The following OLFM3 variants were observed in gnomAD, a reference collection of about 807,000 sequenced individuals.
OLFM3 encodes olfactomedin 3.
OLFM3 carries 20 observed loss-of-function variants against 48.6 expected under a neutral mutation model. The observed-to-expected ratio is 0.41, with a 90% CI of 0.29 to 0.60. The LOEUF is 0.60. Among genes scored for constraint, OLFM3 ranks in the 20% least tolerant of loss-of-function variants. The pLI is 0.28. For synonymous variants in OLFM3, 222 were observed against 198.1 expected (o/e 1.12, Z -1.01); for missense variants, 437 against 544.3 (o/e 0.80, Z 1.96).
At chr1:101,824,692 T>A (rs990791403) in intron 4 of OLFM3, among the ~76,000 whole-genome samples, 1 of 151,790 alleles carries the variant, frequency 6.6e-6, no homozygotes, top group African/African-American at 2.4e-5. Flanking sequence ...CAAAAAACAG[T>A]TTCTTTTTCC....
chr1:101,861,866 G>T (rs1478809662), intron 1 of OLFM3, among the ~76,000 whole-genome samples: 1 of 152,130 alleles, frequency 6.6e-6, no homozygotes, highest in Admixed American at 6.5e-5. Flanking sequence ...GTACACCAAA[G>T]GCATACTTAT....
At chr1:101,870,998 G>A (rs929022997) in intron 1 of OLFM3, among the ~76,000 whole-genome samples, 5 of 151,880 alleles carry the variant, frequency 3.3e-5, no homozygotes, top group African/African-American at 1.2e-4. Context: ...TCTAATTCTA[G>A]TAAGAAATTT....
chr1:101,960,256 T>C (rs921522509), intron 1 of OLFM3, among the ~76,000 whole-genome samples: 32 of 152,090 alleles, frequency 2.1e-4, no homozygotes, highest in African/African-American at 7.7e-4. Context: ...CTGAAAGCAA[T>C]TGAGTGGAAA....
intron 4 of OLFM3, among the ~76,000 whole-genome samples, chr1:101,807,670 TTAA>T (rs1653842387): frequency 6.6e-6 from 1 of 151,840 alleles, no homozygotes; most frequent in South Asian, 2.1e-4. Flanking sequence ...AACTACAAAT[TTAA>T]TAATCTCTAG....
intron 1 of OLFM3, among the ~76,000 whole-genome samples, chr1:101,884,499 C>G (rs1657665332): frequency 6.6e-6 from 1 of 150,688 alleles, no homozygotes; most frequent in Non-Finnish European, 1.5e-5. Context: ...CAAAAACAAA[C>G]AAACAAAAAA....
In OLFM3 at chr1:101,958,865, T is replaced by C. The variant is rs185811526; in HGVS notation, c.69+37883A>G. ...TATATATATATATATATATGATTAA[T>C]GTAATTGGCATATCTGTTACCTCAC... On this transcript the variant is annotated intron_variant, in intron 1 of 5. Transcript: ENST00000370103. Among the ~76,000 whole-genome samples the C allele has an allele frequency of 1.5e-3, 229 of 149,194 alleles. 2 individuals carry two copies. The highest frequency in any genetic ancestry group is 6.4e-4 in the Non-Finnish European group (43 of 66,880).
chr1:101,894,786 A>G (rs1178701348), intron 1 of OLFM3, among the ~76,000 whole-genome samples: 1 of 152,196 alleles, frequency 6.6e-6, no homozygotes, highest in Non-Finnish European at 1.5e-5. Context: ...AATTCATTCT[A>G]TAACTGTGTA....
At chr1:101,933,201 CAAAAAAAA>C (rs761881274) in intron 1 of OLFM3, among the ~76,000 whole-genome samples, 5 of 40,122 alleles carry the variant, frequency 1.2e-4, no homozygotes, top group African/African-American at 1.8e-4. Context: ...GACTCCATCT[CAAAAAAAA>C]AAAAAAAAAA....
intron 1 of OLFM3, among the ~76,000 whole-genome samples, chr1:101,990,315 A>G (rs1379509199): frequency 6.6e-6 from 1 of 152,204 alleles, no homozygotes; most frequent in Non-Finnish European, 1.5e-5. Flanking sequence ...AGAAGAGGAA[A>G]CAGCAAGAGT....
In OLFM3 at chr1:101,881,437, C is replaced by A. The variant is rs546168447; in HGVS notation, c.70-44412G>T. Among the ~76,000 whole-genome samples, 3 of 151,878 alleles carry A rather than the reference C, an allele frequency of 2.0e-5. No individual in the cohort carries two copies. In the East Asian group the frequency reaches 5.8e-4, roughly 30 times the overall value. On this transcript the variant is annotated intron_variant, in intron 1 of 5. Coordinates refer to ENST00000370103, the MANE Select transcript of OLFM3 (RefSeq NM_058170.4). ...CCAAACCAGAGTACTCTTACTGCCT[C>A]TTTTCTAAATGTTCAGGAAAAGCAT...
chr1:101,879,883 C>A (rs558247221), intron 1 of OLFM3, among the ~76,000 whole-genome samples: 14 of 151,752 alleles, frequency 9.2e-5, no homozygotes, highest in Non-Finnish European at 2.9e-5. Context: ...AAATTGCATT[C>A]TTATTGTAAA....
intron 1 of OLFM3, among the ~76,000 whole-genome samples, chr1:101,907,042 T>C (rs550964141): frequency 6.6e-6 from 1 of 152,270 alleles, no homozygotes; most frequent in South Asian, 2.1e-4. Flanking sequence ...CTAACTGTTC[T>C]CTGTGACAAT....
intron 1 of OLFM3, among the ~76,000 whole-genome samples, chr1:101,953,039 A>C (rs556355722): frequency 6.6e-6 from 1 of 152,270 alleles, no homozygotes; most frequent in South Asian, 2.1e-4. Flanking sequence ...AAGTACAAAA[A>C]TGCATGCTAG....
chr1:101,840,657 G>T (rs1287647373), intron 1 of OLFM3, among the ~76,000 whole-genome samples: 1 of 151,954 alleles, frequency 6.6e-6, no homozygotes, highest in Non-Finnish European at 1.5e-5. Flanking sequence ...CTTTTTTGGT[G>T]ATGGGGTTTT....
At chr1:101,838,128 A>G (rs1047265079) in intron 1 of OLFM3, among the ~76,000 whole-genome samples, 5 of 152,028 alleles carry the variant, frequency 3.3e-5, no homozygotes, top group Admixed American at 1.3e-4. Flanking sequence ...CCGATATCTC[A>G]GCTCACTGCA....
intron 1 of OLFM3, among the ~76,000 whole-genome samples, chr1:101,840,632 A>G (rs748618948): frequency 3.3e-5 from 5 of 152,014 alleles, no homozygotes; most frequent in Admixed American, 6.6e-5. Context: ...AATCACGCCC[A>G]GTTAATTTTT....
chr1:101,920,324 C>T (rs1659055207), intron 1 of OLFM3, among the ~76,000 whole-genome samples: 1 of 152,150 alleles, frequency 6.6e-6, no homozygotes, highest in African/African-American at 2.4e-5. Flanking sequence ...TTTCTGTTAC[C>T]TACCTGAGCT....
intron 1 of OLFM3, among the ~76,000 whole-genome samples, chr1:101,940,722 A>G (rs1659767495): frequency 6.7e-6 from 1 of 150,056 alleles, no homozygotes; most frequent in Non-Finnish European, 1.5e-5. Context: ...ATATCTTTGT[A>G]TATATAGCTT....
chr1:101,911,173 T>A (rs1658748482), intron 1 of OLFM3, among the ~76,000 whole-genome samples: 1 of 152,058 alleles, frequency 6.6e-6, no homozygotes, highest in Non-Finnish European at 1.5e-5. Context: ...TGGAAGCAAA[T>A]ATCTGGTAGG....
Sources: gnomAD v4.1 joint callset for allele counts (sites outside exome capture counted in the v4.1 genomes callset) on GRCh38, gnomAD v4.1.1 for gene constraint, MANE v1.5 for transcripts, NCBI Gene and HGNC (gene_info 2026-07-23, HGNC 2026-07-21) for gene names.